The following FAM107B variants were observed in gnomAD, a reference collection of about 807,000 sequenced individuals.
The protein encoded by FAM107B is family with sequence similarity 107 member B.
FAM107B carries 21 observed loss-of-function variants against 31.5 expected under a neutral mutation model. The ratio of observed to expected loss-of-function variants is 0.67; its 90% CI spans 0.47 to 0.96. FAM107B has a LOEUF of 0.96. Ranked by LOEUF, FAM107B falls within the 40% of genes least tolerant of loss-of-function variation. The pLI, the probability that FAM107B is intolerant of heterozygous loss-of-function variation, is 0.00. For synonymous variants in FAM107B, 157 were observed against 141.5 expected (o/e 1.11, Z -0.78); for missense variants, 452 against 377.1 (o/e 1.20, Z -1.64).
At chr10:14,577,188 C>T (rs2131292995) in intron 2 of FAM107B, among the ~76,000 whole-genome samples, 1 of 152,302 alleles carries the variant, frequency 6.6e-6, no homozygotes, top group Middle Eastern at 3.4e-3. Context: ...TGCGTATTCT[C>T]GATGTGTACT....
intron 1 of FAM107B, among the ~76,000 whole-genome samples, chr10:14,672,191 C>CGT (rs561475065): frequency 2.1e-3 from 318 of 151,858 alleles, no homozygotes; most frequent in African/African-American, 7.3e-3. Context: ...CAGGTTCAAG[C>CGT]GATTCTCCTG....
chr10:14,636,347 T>C (rs75339560), intron 2 of FAM107B, among the ~76,000 whole-genome samples: 5,833 of 149,146 alleles, frequency 0.039, 176 homozygotes, highest in East Asian at 0.13. Flanking sequence ...GAGAGAGAAA[T>C]GTCTACTTCT....
chr10:14,637,188 T>C (rs1853521750), intron 2 of FAM107B, among the ~76,000 whole-genome samples: 1 of 152,148 alleles, frequency 6.6e-6, no homozygotes, highest in African/African-American at 2.4e-5. Flanking sequence ...GAGGGTCTTA[T>C]TTCTAACACC....
At chr10:14,764,238 A>G (rs942872820) in intron 1 of FAM107B, among the ~76,000 whole-genome samples, 4 of 152,266 alleles carry the variant, frequency 2.6e-5, no homozygotes, top group African/African-American at 9.6e-5. Flanking sequence ...ATTATAATTA[A>G]TAAGTTATGT....
chr10:14,538,747 A>C (rs1189525924), intron 2 of FAM107B, among the ~76,000 whole-genome samples: 1 of 152,184 alleles, frequency 6.6e-6, no homozygotes, highest in Non-Finnish European at 1.5e-5. Flanking sequence ...ACTATCCACA[A>C]GTCACTTGGT....
At position 14,521,887 on chromosome 10, in the gene FAM107B, C is replaced by A. The variant is rs149948586; in HGVS notation, c.786G>T (p.Arg262=). 2 of 1,613,906 alleles carry A rather than the reference C, an allele frequency of 1.2e-6. No individual in the cohort carries two copies. Among genetic ancestry groups the A allele is most frequent in the Non-Finnish European group, 1.7e-6 (2 of 1,179,932 alleles). ...KSDLEIELLK[R]QQKLEQLELE... The stretch of plus-strand genomic sequence containing the variant: ...CCCTTACCTGCTCCAACTTCTGCTG[C>A]CGTTTTAATAGCTCTATTTCCAAGT... Residue 262 remains arginine (R), a synonymous_variant, in exon 4 of 5, where the codon CGG becomes CGT. Transcript: ENST00000181796.
intron 1 of FAM107B, among the ~76,000 whole-genome samples, chr10:14,708,034 C>T (rs919912209): frequency 6.6e-6 from 1 of 152,152 alleles, no homozygotes; most frequent in African/African-American, 2.4e-5. Context: ...TCTCCACCCT[C>T]TCCTTTCCAT....
intron 2 of FAM107B, among the ~76,000 whole-genome samples, chr10:14,663,077 C>G (rs1456787983): frequency 6.6e-6 from 1 of 152,244 alleles, no homozygotes; most frequent in African/African-American, 2.4e-5. Flanking sequence ...ACATTAGACT[C>G]AAAGTTCTTC....
intron 2 of FAM107B, among the ~76,000 whole-genome samples, chr10:14,639,189 G>C (rs1317690338): frequency 6.6e-6 from 1 of 151,978 alleles, no homozygotes; most frequent in East Asian, 1.9e-4. Context: ...CCAACACCCT[G>C]TTTCCAAAAT....
At chr10:14,649,774 C>G (rs1329082251) in intron 2 of FAM107B, among the ~76,000 whole-genome samples, 2 of 152,310 alleles carry the variant, frequency 1.3e-5, no homozygotes, top group East Asian at 3.9e-4. Flanking sequence ...CTTAGGATCT[C>G]CTGGGGCTGT....
At chr10:14,646,789 C>CTTTTTTTTTTT (rs369557470) in intron 2 of FAM107B, among the ~76,000 whole-genome samples, 8 of 86,768 alleles carry the variant, frequency 9.2e-5, no homozygotes, top group Admixed American at 3.3e-4. Context: ...CCATTTTCTC[C>CTTTTTTTTTTT]TTTTTTTTTT....
rs1255920855 is a variant in FAM107B, at chr10:14,519,071, T to C, written c.*2119A>G. 1.3e-5 allele frequency: 2 copies of C among 152,266 alleles called. No homozygotes were observed. The highest frequency in any genetic ancestry group is 4.8e-5 in the African/African-American group (2 of 41,422). The allele number at this position is 152,266 out of a possible 1,614,324, so 9.4% of individuals were successfully genotyped here. A position where few individuals can be genotyped will look rare whatever the true frequency, so the allele number is the denominator to read the frequency against. On this transcript the variant is annotated 3_prime_UTR_variant, in exon 5 of 5. Coordinates refer to ENST00000181796, the MANE Select transcript of FAM107B (RefSeq NM_031453.4). The stretch of plus-strand genomic sequence containing the variant: ...GACACCACTTTACGCTATTTACAAG[T>C]CTCCTTTTGGCCAGATTTTGTATTA...
intron 1 of FAM107B, among the ~76,000 whole-genome samples, chr10:14,713,928 A>G (rs1038165706): frequency 6.6e-6 from 1 of 152,188 alleles, no homozygotes; most frequent in Non-Finnish European, 1.5e-5. Context: ...TAACACAGAA[A>G]TAGAAAACCA....
At chr10:14,628,259 G>A (rs1462067023) in intron 2 of FAM107B, among the ~76,000 whole-genome samples, 1 of 151,792 alleles carries the variant, frequency 6.6e-6, no homozygotes, top group Non-Finnish European at 1.5e-5. Flanking sequence ...TGGGATTACA[G>A]GCGCCCACCA....
chr10:14,600,601 C>A (rs1166182130), intron 2 of FAM107B, among the ~76,000 whole-genome samples: 1 of 151,990 alleles, frequency 6.6e-6, no homozygotes, highest in Non-Finnish European at 1.5e-5. Context: ...TGTAATTAAA[C>A]AATTTTTGTG....
Position 14,578,504 on chromosome 10 carries a change from A to G in FAM107B, c.470-47989T>C, listed in dbSNP as rs569054900. Among the ~76,000 whole-genome samples, 76 of 152,130 alleles carry G rather than the reference A, an allele frequency of 5.0e-4. 1 individual carries two copies. The South Asian group carries it at 0.014, about 27-fold the overall frequency. On this transcript the variant is annotated intron_variant, in intron 2 of 4. Coordinates refer to ENST00000181796, the MANE Select transcript of FAM107B (RefSeq NM_031453.4). ...TAAATATGACAAGCCTTCACTGGGG[A>G]AAAAAAAGAGATCCATCAGACTTGC... is the stretch of plus-strand genomic sequence containing the variant.
intron 1 of FAM107B, chr10:14,723,232 T>G: frequency 1.9e-6 from 1 of 529,858 alleles, no homozygotes. Context: ...CACAGATCAG[T>G]CTTCTGTGGT....
rs535164655 is a variant in FAM107B at position 14,691,831 on chromosome 10, T to G, written c.412-24140A>C. ...ATTGCTTGAACCTGGGAAGCGGAGGTTGCAGTGAGCTGAGATCGTGCCACT... is the reference window on the plus strand; with the variant it reads ...ATTGCTTGAACCTGGGAAGCGGAGGGTGCAGTGAGCTGAGATCGTGCCACT... On this transcript the variant is annotated intron_variant, in intron 1 of 4. Coordinates refer to ENST00000181796, the MANE Select transcript of FAM107B (RefSeq NM_031453.4). Among the ~76,000 whole-genome samples, 72 of 144,274 alleles carry G rather than the reference T, an allele frequency of 5.0e-4. No individual in the cohort carries two copies. In the South Asian group the frequency reaches 0.014, roughly 29 times the overall value. The allele number at this position is 144,274 out of a possible 152,430, so 94.6% of individuals were successfully genotyped here. A position where few individuals can be genotyped will look rare whatever the true frequency, so the allele number is the denominator to read the frequency against.
chr10:14,570,226 T>A (rs1184480752), intron 2 of FAM107B, among the ~76,000 whole-genome samples: 1 of 124,490 alleles, frequency 8.0e-6, no homozygotes, highest in Non-Finnish European at 1.7e-5. Flanking sequence ...ACCAAAAAAA[T>A]GTGGTGGGTG....
Sources: allele counts gnomAD v4.1 joint callset (sites outside exome capture counted in the v4.1 genomes callset), GRCh38; gene constraint gnomAD v4.1.1; transcripts MANE v1.5; gene names NCBI Gene and HGNC (gene_info 2026-07-23, HGNC 2026-07-21).